DPP6: variants seen among roughly 807,000 people sequenced by gnomAD.
DPP6 encodes the protein A-type potassium channel modulatory protein DPP6.
A neutral mutation model predicts 122.6 loss-of-function variants in DPP6; 69 were observed. The observed-to-expected ratio is 0.56, with a 90% CI of 0.46 to 0.69. DPP6 has a LOEUF of 0.69. Ranked by LOEUF, DPP6 falls within the 30% of genes least tolerant of loss-of-function variation. The pLI is 0.00. For missense variants in DPP6, 928 were observed against 1,116.9 expected (o/e 0.83, Z 2.41); for synonymous variants, 418 against 433.1 (o/e 0.97, Z 0.43).
intron 2 of DPP6, among the ~76,000 whole-genome samples, chr7:154,452,880 T>C (rs1820507512): frequency 5.3e-5 from 8 of 152,244 alleles, no homozygotes. Flanking sequence ...TGATCTTAGT[T>C]CCAAAGGGAT....
intron 6 of DPP6, among the ~76,000 whole-genome samples, chr7:154,652,968 C>G (rs1227777209): frequency 6.6e-6 from 1 of 152,180 alleles, no homozygotes; most frequent in Non-Finnish European, 1.5e-5. Context: ...CGTTCACGTC[C>G]ATTCATTCTT....
At chr7:154,682,952 G>C (rs545430636) in intron 7 of DPP6, among the ~76,000 whole-genome samples, 2 of 151,808 alleles carry the variant, frequency 1.3e-5, no homozygotes, top group East Asian at 1.9e-4. Context: ...TTTTACTTTT[G>C]TTCTTTTGTT....
At position 153,957,032 on chromosome 7, in the gene DPP6, A is replaced by C. The variant is rs869032438; in HGVS notation, c.51+69298A>C. Among the ~76,000 whole-genome samples the C allele has an allele frequency of 2.6e-5, 4 of 152,074 alleles. No individual in the cohort carries two copies. The East Asian group carries it at 7.7e-4, about 29-fold the overall frequency. On this transcript the variant is annotated intron_variant, in intron 1 of 25. Transcript: ENST00000404039. ...GTTATAAGAAAGAAGACTTCGGAAA[A>C]GTGTGTTTGTAAATTCTTTATATTG...
At chr7:154,054,918 T>TA (rs535979225) in intron 1 of DPP6, among the ~76,000 whole-genome samples, 2,339 of 151,724 alleles carry the variant, frequency 0.015, 63 homozygotes, top group African/African-American at 0.053. Context: ...CATCTTTTTT[T>TA]AAAAAAATCT....
chr7:153,795,725 G>A, the DPP6 span, among the ~76,000 whole-genome samples: 3 of 151,786 alleles, frequency 2.0e-5, no homozygotes, highest in South Asian at 2.1e-4. Flanking sequence ...CTATTCTAAC[G>A]TAGACATTTA....
chr7:154,323,518 C>T (rs17174343), intron 1 of DPP6, among the ~76,000 whole-genome samples: 9,500 of 152,190 alleles, frequency 0.062, 613 homozygotes, highest in African/African-American at 0.16. Context: ...CTATTTTCAT[C>T]GTCAACTAAC....
At chr7:154,389,070 C>T (rs959336188) in intron 1 of DPP6, among the ~76,000 whole-genome samples, 16 of 152,164 alleles carry the variant, frequency 1.1e-4, no homozygotes, top group African/African-American at 3.4e-4. Context: ...TGATGGATTA[C>T]CGTCCCCGCA....
intron 1 of DPP6, among the ~76,000 whole-genome samples, chr7:154,045,488 G>T (rs1799974539): frequency 6.6e-6 from 1 of 152,256 alleles, no homozygotes; most frequent in Non-Finnish European, 1.5e-5. Flanking sequence ...GTTTCAGCTG[G>T]TCTGAGACAG....
intron 16 of DPP6, among the ~76,000 whole-genome samples, chr7:154,813,011 A>C (rs1365326784): frequency 6.6e-6 from 1 of 152,108 alleles, no homozygotes; most frequent in African/African-American, 2.4e-5. Context: ...TTGTACATAC[A>C]AACCTAAAAA....
intron 7 of DPP6, among the ~76,000 whole-genome samples, chr7:154,709,603 A>G (rs1283511766): frequency 7.5e-6 from 1 of 133,776 alleles, no homozygotes; most frequent in Non-Finnish European, 1.7e-5. Context: ...TTTTTTTTCA[A>G]ATATTCCACA....
chr7:154,437,050 G>A (rs570817933), intron 1 of DPP6, among the ~76,000 whole-genome samples: 2 of 152,322 alleles, frequency 1.3e-5, no homozygotes, highest in East Asian at 3.9e-4. Flanking sequence ...CTGGTAGACA[G>A]ACCAATGACA....
At chr7:153,816,940 C>T in the DPP6 span, among the ~76,000 whole-genome samples, 57 of 152,030 alleles carry the variant, frequency 3.7e-4, no homozygotes, top group African/African-American at 1.2e-3. Flanking sequence ...TCAAGACCAG[C>T]GGGAGAGAAA....
In DPP6 at chr7:154,803,741, GCCCTTC is replaced by G. The variant is rs2150455623; in HGVS notation, c.1408-120_1408-115del. ...GAGGAGCAGGCAGAAGGGGCAGAGA[GCCCTTC>G]CCACAGAGAGAATGGCAGCCCCTGT... On this transcript the variant is annotated intron_variant, in intron 13 of 25. Coordinates refer to ENST00000377770, the MANE Select transcript of DPP6 (RefSeq NM_130797.4). 5 of 1,408,622 alleles carry G rather than the reference GCCCTTC, an allele frequency of 3.5e-6. No individual in the cohort carries two copies. In the South Asian group the frequency reaches 5.8e-5, roughly 16 times the overall value. 87.3% of individuals were successfully genotyped at this position (1,408,622 alleles called of 1,614,324 possible). A position where few individuals can be genotyped will look rare whatever the true frequency, so the allele number is the denominator to read the frequency against.
At chr7:153,834,590 G>A in the DPP6 span, among the ~76,000 whole-genome samples, 1 of 152,116 alleles carries the variant, frequency 6.6e-6, no homozygotes, top group Admixed American at 6.5e-5. Context: ...TCACCTTTTG[G>A]TTTACATAGA....
At chr7:154,036,033 T>C (rs1405511413) in intron 1 of DPP6, among the ~76,000 whole-genome samples, 4,520 of 151,480 alleles carry the variant, frequency 0.03, 283 homozygotes, top group African/African-American at 0.11. Flanking sequence ...TGTGTGTGTG[T>C]GTGTGTGTGT....
intron 1 of DPP6, among the ~76,000 whole-genome samples, chr7:154,015,247 T>G (rs972232510): frequency 3.3e-5 from 5 of 152,066 alleles, no homozygotes; most frequent in African/African-American, 1.2e-4. Flanking sequence ...TCCCTTTGAT[T>G]GCACTATCCA....
chr7:154,653,415 T>C (rs1327956084), intron 6 of DPP6, among the ~76,000 whole-genome samples: 1 of 152,016 alleles, frequency 6.6e-6, no homozygotes, highest in Non-Finnish European at 1.5e-5. Flanking sequence ...AAATGATAGA[T>C]AGATGATGGA....
chr7:154,227,215 G>GTCACACACACACACACACACACAC, intron 1 of DPP6, among the ~76,000 whole-genome samples: 1 of 141,456 alleles, frequency 7.1e-6, no homozygotes, highest in South Asian at 2.3e-4. Context: ...GAAAATGAGG[G>GTCACACACACACACACACACACAC]ACACACACAC....
chr7:154,218,875 G>A (rs1357148345), intron 1 of DPP6, among the ~76,000 whole-genome samples: 2 of 152,142 alleles, frequency 1.3e-5, no homozygotes, highest in Non-Finnish European at 2.9e-5. Context: ...CAGAAGATGA[G>A]CCAAAATTAA....
Sources: allele counts gnomAD v4.1 joint callset (sites outside exome capture counted in the v4.1 genomes callset), GRCh38; gene constraint gnomAD v4.1.1; transcripts MANE v1.5; gene names NCBI Gene and HGNC (gene_info 2026-07-23, HGNC 2026-07-21).